The following STAU2 variants were observed in gnomAD, a reference collection of about 807,000 sequenced individuals.
STAU2 encodes the protein staufen double-stranded RNA binding protein 2, also known as double-stranded RNA-binding protein Staufen homolog 2.
Under a neutral mutation model 65.9 loss-of-function variants are expected in STAU2, and 20 were observed. That is an observed-to-expected ratio of 0.30 (90% CI 0.21 to 0.44). The LOEUF is 0.44. Among genes scored for constraint, STAU2 ranks in the 20% least tolerant of loss-of-function variants. STAU2 has a pLI of 1.00. For synonymous variants in STAU2, 232 were observed against 233.9 expected (o/e 0.99, Z 0.07); for missense variants, 558 against 683.9 (o/e 0.82, Z 2.05).
At chr8:73,687,325 T>TTATAAATATAATTTATATTTATATAA (rs1563506725) in intron 5 of STAU2, among the ~76,000 whole-genome samples, 15 of 114,808 alleles carry the variant, frequency 1.3e-4, no homozygotes, top group African/African-American at 4.7e-4. Flanking sequence ...ATATTTATAT[T>TTATAAATATAATTTATATTTATATAA]TATAAATATA....
At chr8:73,632,750 T>C (rs1375029691) in intron 6 of STAU2, among the ~76,000 whole-genome samples, 2 of 152,208 alleles carry the variant, frequency 1.3e-5, no homozygotes, top group Admixed American at 6.5e-5. Flanking sequence ...GGTGAACTCA[T>C]GATAAAATCA....
intron 13 of STAU2, among the ~76,000 whole-genome samples, chr8:73,456,853 G>A (rs925647644): frequency 1.3e-5 from 2 of 152,176 alleles, no homozygotes; most frequent in Admixed American, 1.3e-4. Context: ...TCAAATTCCA[G>A]GAGTTGTACA....
chr8:73,527,646 CCGAGCTG>C (rs1563402801), intron 13 of STAU2: 1 of 1,447,848 alleles, frequency 6.9e-7, no homozygotes, highest in Admixed American at 2.0e-5. Context: ...CCTTCCATTT[CCGAGCTG>C]GGCCATAACA....
chr8:73,660,913 A>C (rs1364064042), intron 6 of STAU2, among the ~76,000 whole-genome samples: 1 of 152,220 alleles, frequency 6.6e-6, no homozygotes, highest in African/African-American at 2.4e-5. Flanking sequence ...TAATTTTTTT[A>C]ATTAAGCAGA....
Position 73,579,580 on chromosome 8 carries a change from T to A in STAU2, c.1222+3190A>T, listed in dbSNP as rs180729220. On this transcript the variant is annotated intron_variant, in intron 12 of 14. Coordinates refer to ENST00000524300, the MANE Select transcript of STAU2 (RefSeq NM_001164380.2). ...ATCTTTAAAATTCATGATCTTTTTT[T>A]AAAAAAGTTATTCATTCATCTGTAA... is the stretch of plus-strand genomic sequence containing the variant. Among the ~76,000 whole-genome samples, 108 of 152,306 alleles carry A rather than the reference T, an allele frequency of 7.1e-4. 1 individual carries two copies. Among genetic ancestry groups the A allele is most frequent in the African/African-American group, 2.2e-3 (91 of 41,576 alleles).
At chr8:73,656,029 C>T (rs909772933) in intron 6 of STAU2, among the ~76,000 whole-genome samples, 3 of 152,064 alleles carry the variant, frequency 2.0e-5, no homozygotes, top group South Asian at 2.1e-4. Context: ...GTGATCCGCC[C>T]GCCTCAGTCT....
intron 12 of STAU2, among the ~76,000 whole-genome samples, chr8:73,569,920 T>G (rs1388027618): frequency 6.6e-6 from 1 of 152,188 alleles, no homozygotes; most frequent in Non-Finnish European, 1.5e-5. Flanking sequence ...TCCAAAGGAA[T>G]ACAGCTCCTC....
chr8:73,615,140 ATTT>A (rs746592331), intron 8 of STAU2, among the ~76,000 whole-genome samples: 1 of 152,036 alleles, frequency 6.6e-6, no homozygotes, highest in East Asian at 1.9e-4. Flanking sequence ...TATAATAATT[ATTT>A]TTTTAAGTTT....
At chr8:73,681,957 T>C (rs1350791717) in intron 5 of STAU2, among the ~76,000 whole-genome samples, 1 of 152,110 alleles carries the variant, frequency 6.6e-6, no homozygotes, top group Non-Finnish European at 1.5e-5. Context: ...CACCTAACAC[T>C]GGAGTTCCCA....
In STAU2 at chr8:73,499,151, A is replaced by G. The variant is rs573978020; in HGVS notation, c.1530+52861T>C. On this transcript the variant is annotated intron_variant, in intron 13 of 14. Transcript: ENST00000524300. ...AACTCTGCCTGTTTCCAGCCCACTT[A>G]CCTGCACTATAGATTTTGCACTTGC... Among the ~76,000 whole-genome samples the G allele has an allele frequency of 9.9e-5, 15 of 151,846 alleles. 1 individual carries two copies. Among genetic ancestry groups the G allele is most frequent in the African/African-American group, 3.4e-4 (14 of 41,486 alleles).
chr8:73,459,456 A>G (rs1324063885), intron 13 of STAU2, among the ~76,000 whole-genome samples: 2 of 152,214 alleles, frequency 1.3e-5, no homozygotes, highest in Non-Finnish European at 2.9e-5. Context: ...TCTGAGAGCC[A>G]TCTTGAATGT....
intron 6 of STAU2, among the ~76,000 whole-genome samples, chr8:73,626,647 G>A (rs1813664313): frequency 6.6e-6 from 1 of 152,154 alleles, no homozygotes; most frequent in Admixed American, 6.5e-5. Flanking sequence ...TAAGGATTGT[G>A]GTCATTATAT....
At position 73,421,178 on chromosome 8, in the gene STAU2, G is replaced by T; in HGVS notation, c.*194C>A. On this transcript the variant is annotated 3_prime_UTR_variant, in exon 15 of 15. Coordinates refer to ENST00000524300, the MANE Select transcript of STAU2 (RefSeq NM_001164380.2). ...TATGATCTGATCTCGAGTTCCAAGG[G>T]AAATGCTCAAAGTTTTATTTTTCCC... 1 of 535,766 alleles carries T rather than the reference G, an allele frequency of 1.9e-6. No individual in the cohort carries two copies. The highest frequency in any genetic ancestry group is 3.6e-5 in the Admixed American group (1 of 28,020). The allele number at this position is 535,766 out of a possible 1,614,324, so 33.2% of individuals were successfully genotyped here.
chr8:73,453,852 C>T (rs2383907), intron 13 of STAU2, among the ~76,000 whole-genome samples: 55,771 of 151,674 alleles, frequency 0.37, 11,437 homozygotes, highest in South Asian at 0.61. Flanking sequence ...AGCAAATTCC[C>T]GGGTGTGGGT....
chr8:73,692,164 T>C (rs941003210), intron 4 of STAU2, among the ~76,000 whole-genome samples: 1 of 151,898 alleles, frequency 6.6e-6, no homozygotes, highest in Non-Finnish European at 1.5e-5. Context: ...GGAAGCTCCA[T>C]TTCCCTTCTC....
intron 13 of STAU2, chr8:73,549,748 T>C (rs1807187833): frequency 3.0e-6 from 3 of 985,664 alleles, no homozygotes; most frequent in Non-Finnish European, 3.6e-6. Context: ...CAGTATCTGT[T>C]CAGTGTGCAA....
At chr8:73,730,274 A>G (rs1222334370) in intron 3 of STAU2, among the ~76,000 whole-genome samples, 1 of 152,136 alleles carries the variant, frequency 6.6e-6, no homozygotes, top group African/African-American at 2.4e-5. Context: ...ATTTCCATAT[A>G]TTTGTAAATT....
At chr8:73,582,308 A>C (rs556721617) in intron 12 of STAU2, among the ~76,000 whole-genome samples, 1 of 152,058 alleles carries the variant, frequency 6.6e-6, no homozygotes, top group African/African-American at 2.4e-5. Context: ...TTAAGTGAAA[A>C]CAATAAAATT....
At chr8:73,454,997 C>G (rs913183409) in intron 13 of STAU2, among the ~76,000 whole-genome samples, 1 of 152,160 alleles carries the variant, frequency 6.6e-6, no homozygotes, top group Non-Finnish European at 1.5e-5. Context: ...TCCAAGCCAG[C>G]TCATGCTTAG....
Sources: allele counts gnomAD v4.1 joint callset (sites outside exome capture counted in the v4.1 genomes callset), GRCh38; gene constraint gnomAD v4.1.1; transcripts MANE v1.5; gene names NCBI Gene and HGNC (gene_info 2026-07-23, HGNC 2026-07-21).